Variants in E2F7 observed in about 807,000 individuals in gnomAD.
The protein encoded by E2F7 is transcription factor E2F7.
Under a neutral mutation model 81.1 loss-of-function variants are expected in E2F7, and 35 were observed. The observed-to-expected ratio is 0.43, with a 90% CI of 0.33 to 0.57. The LOEUF (loss-of-function observed/expected upper bound fraction) is 0.57. E2F7 is among the 20% of genes least tolerant of loss of function. The pLI is 0.04. For synonymous variants in E2F7, 416 were observed against 416.2 expected (o/e 1.00, Z 0.01); for missense variants, 961 against 1,093.7 (o/e 0.88, Z 1.71).
intron 7 of E2F7, among the ~76,000 whole-genome samples, chr12:77,037,888 T>C (rs1354254865): frequency 6.6e-6 from 1 of 152,010 alleles, no homozygotes; most frequent in Non-Finnish European, 1.5e-5. Context: ...TTTAAAAAAA[T>C]TCAACTATAT....
At chr12:77,056,190 T>A (rs1276176595) in intron 2 of E2F7, 60 bp from the exon 3 acceptor site, 14 of 1,477,798 alleles carry the variant, frequency 9.5e-6, no homozygotes, top group African/African-American at 1.4e-5. Flanking sequence ...GCTAAGAGTA[T>A]ACTTTGTTCC....
chr12:77,028,455 G>A (rs529037662), intron 10 of E2F7, among the ~76,000 whole-genome samples: 6 of 149,936 alleles, frequency 4.0e-5, no homozygotes, highest in African/African-American at 1.5e-4. Context: ...GCCTCCCAAA[G>A]TACTGGGATT....
chr12:77,052,301 T>TA (rs1186038222), intron 3 of E2F7, among the ~76,000 whole-genome samples: 2 of 151,578 alleles, frequency 1.3e-5, no homozygotes, highest in Admixed American at 6.6e-5. Context: ...TGAAGAAAAA[T>TA]AAGTTGAGGG....
intron 6 of E2F7, among the ~76,000 whole-genome samples, chr12:77,043,496 G>A (rs1028908426): frequency 2.6e-5 from 4 of 151,954 alleles, no homozygotes; most frequent in African/African-American, 7.3e-5. Context: ...GGGAGGGAAT[G>A]GGCTGTAATT....
At position 77,030,245 on chromosome 12, in the gene E2F7, T is replaced by C; in HGVS notation, c.1470A>G (p.Pro490=). 1.9e-6 allele frequency: 3 copies of C among 1,613,148 alleles called. No individual in the cohort carries two copies. The highest frequency in any genetic ancestry group is 2.5e-6 in the Non-Finnish European group (3 of 1,179,424). Residue 490 remains proline, a synonymous_variant, in exon 10 of 13, where the codon CCA becomes CCG. Transcript: ENST00000322886. ...GGGCTAAAGGATTAACACAATATTCTGGGTCAACAGAGAGGACAGGGAAAG... is the reference window on the plus strand; with the variant it reads ...GGGCTAAAGGATTAACACAATATTCCGGGTCAACAGAGAGGACAGGGAAAG... The part of the protein sequence containing the change: ...VAPFPVLSVD[P]EYCVNPLAHP...
In E2F7 at chr12:77,042,987, T is replaced by G. The variant is rs1490816592; in HGVS notation, c.1123+78A>C. 1.1e-5 allele frequency: 17 copies of G among 1,594,410 alleles called. No individual in the cohort carries two copies. In the Admixed American group the frequency reaches 2.8e-4, roughly 27 times the overall value. On this transcript the variant is annotated intron_variant, in intron 7 of 12. Coordinates refer to ENST00000322886, the MANE Select transcript of E2F7 (RefSeq NM_203394.3). The stretch of plus-strand genomic sequence containing the variant: ...CATGGGAAAAAGATCAGTCTCACTG[T>G]GTAGTAGATGTGAGACTTGGAAAAG...
intron 4 of E2F7, among the ~76,000 whole-genome samples, chr12:77,047,214 C>T (rs1481583211): frequency 6.6e-6 from 1 of 152,208 alleles, no homozygotes; most frequent in Non-Finnish European, 1.5e-5. Context: ...TTGGGTCAGA[C>T]TGCCTACATT....
chr12:77,064,402 A>T, intron 2 of E2F7, 141 bp downstream of exon 2: 1 of 727,622 alleles, frequency 1.4e-6, no homozygotes, highest in South Asian at 2.3e-5. Context: ...CTCTATTTTT[A>T]AAAAAGAATG....
intron 7 of E2F7, among the ~76,000 whole-genome samples, chr12:77,042,265 A>T (rs1293084110): frequency 6.6e-6 from 1 of 152,200 alleles, no homozygotes; most frequent in African/African-American, 2.4e-5. Context: ...AATTTGTTAT[A>T]CTTGATTTTA....
At chr12:77,031,983 C>G (rs1452244243) in intron 9 of E2F7, among the ~76,000 whole-genome samples, 1 of 152,216 alleles carries the variant, frequency 6.6e-6, no homozygotes, top group African/African-American at 2.4e-5. Flanking sequence ...ACATCACTAT[C>G]ACCTGACATG....
rs766086821 is a variant in E2F7 at position 77,030,059 on chromosome 12, G to C, written c.1656C>G (p.Ala552=). The change falls in exon 10 of 13, where the codon GCC becomes GCG. Residue 552 remains alanine (A), a synonymous_variant. Coordinates refer to ENST00000322886, the MANE Select transcript of E2F7 (RefSeq NM_203394.3). ...AGQPLVYVPS[A]SLFMLYGSLQ... ...GACTTCCATACAGCATGAACAGTGAGGCAGAGGGCACATACACTAGAGGCT... is the reference window on the plus strand; with the variant it reads ...GACTTCCATACAGCATGAACAGTGACGCAGAGGGCACATACACTAGAGGCT... 2 of 1,614,184 alleles carry C rather than the reference G, an allele frequency of 1.2e-6. No individual in the cohort carries two copies. The highest frequency in any genetic ancestry group is 3.3e-5 in the Admixed American group (2 of 60,026).
chr12:77,024,130 A>G lies in E2F7; in HGVS notation c.2621T>C (p.Phe874Ser). 1.2e-6 allele frequency: 2 copies of G among 1,614,000 alleles called. No individual in the cohort carries two copies. Among genetic ancestry groups the G allele is most frequent in the Non-Finnish European group, 1.7e-6 (2 of 1,180,006 alleles). ...SIQRTHRETF[F>S]KTPGSLGDPV... ...GTCTCCAAGGCTGCCGGGTGTCTTGAAAAACGTCTCACGATGTGTGCGTTG... is the reference window on the plus strand; with the variant it reads ...GTCTCCAAGGCTGCCGGGTGTCTTGGAAAACGTCTCACGATGTGTGCGTTG... The change falls in exon 13 of 13, where the codon TTC becomes TCC. Residue 874 changes from phenylalanine to serine, a missense_variant. This residue lies in a region of E2F7 where 587 missense variants were observed against 620.3 expected (regional missense o/e 0.95). Coordinates refer to ENST00000322886, the MANE Select transcript of E2F7 (RefSeq NM_203394.3).
chr12:77,041,378 A>G (rs924454804), intron 7 of E2F7, among the ~76,000 whole-genome samples: 1 of 151,960 alleles, frequency 6.6e-6, no homozygotes, highest in African/African-American at 2.4e-5. Context: ...TTTAGTAGAG[A>G]TGGGGTTTCA....
intron 2 of E2F7, among the ~76,000 whole-genome samples, chr12:77,063,179 G>A (rs1955091996): frequency 6.6e-6 from 1 of 152,190 alleles, no homozygotes; most frequent in Non-Finnish European, 1.5e-5. Flanking sequence ...TCATGTTCGA[G>A]TAACTCTTAT....
In E2F7 at chr12:77,056,146, A is replaced by T; in HGVS notation, c.94-16T>A. 6.4e-7 allele frequency: 1 copy of T among 1,572,952 alleles called. No individual in the cohort carries two copies. Among genetic ancestry groups the T allele is most frequent in the Non-Finnish European group, 8.6e-7 (1 of 1,165,408 alleles). Reference sequence around the variant, plus strand: ...ATATATTTTCCTATTTTAAAAAAGAAACTTTTAGCAAGAATGAGAAAGGGC... The same window carrying T: ...ATATATTTTCCTATTTTAAAAAAGATACTTTTAGCAAGAATGAGAAAGGGC... On this transcript the variant is annotated splice_polypyrimidine_tract_variant and intron_variant, in intron 2 of 12. Coordinates refer to ENST00000322886, the MANE Select transcript of E2F7 (RefSeq NM_203394.3).
intron 2 of E2F7, among the ~76,000 whole-genome samples, chr12:77,063,515 G>A (rs1189714244): frequency 1.3e-5 from 2 of 151,920 alleles, no homozygotes; most frequent in East Asian, 2.0e-4. Flanking sequence ...AAACAGAAAT[G>A]TGTTCCAACT....
Position 77,031,191 on chromosome 12 carries a change from C to A in E2F7, c.1383-859G>T, listed in dbSNP as rs538209453. Among the ~76,000 whole-genome samples, 29 of 152,204 alleles carry A rather than the reference C, an allele frequency of 1.9e-4. No homozygotes were observed. In the South Asian group the frequency reaches 6.0e-3, roughly 32 times the overall value. ...TGAGCTACGATCACGCCACTGCACT[C>A]CAGCCTGGGTGACCCTGTCTCTAAA... is the stretch of plus-strand genomic sequence containing the variant. On this transcript the variant is annotated intron_variant, in intron 9 of 12. Coordinates refer to ENST00000322886, the MANE Select transcript of E2F7 (RefSeq NM_203394.3).
chr12:77,055,032 A>C (rs928233846), intron 3 of E2F7, among the ~76,000 whole-genome samples: 5 of 152,110 alleles, frequency 3.3e-5, no homozygotes, highest in African/African-American at 1.2e-4. Context: ...GCCCAGACTT[A>C]AAAAAAGGAA....
intron 3 of E2F7, among the ~76,000 whole-genome samples, chr12:77,052,034 G>A (rs904778032): frequency 6.6e-6 from 1 of 152,066 alleles, no homozygotes; most frequent in African/African-American, 2.4e-5. Flanking sequence ...CAAATAAATT[G>A]AAAAGACATC....
Sources: gnomAD v4.1 joint callset for allele counts (sites outside exome capture counted in the v4.1 genomes callset) on GRCh38, gnomAD v4.1.1 for gene constraint, gnomAD v4.1.1 regional missense constraint, MANE v1.5 for transcripts, NCBI Gene and HGNC (gene_info 2026-07-23, HGNC 2026-07-21) for gene names.